The following GNAQ variants were observed in gnomAD, a reference collection of about 807,000 sequenced individuals.
The protein encoded by GNAQ is G protein subunit alpha q.
GNAQ carries 8 observed loss-of-function variants against 43.9 expected under a neutral mutation model. The ratio of observed to expected loss-of-function variants is 0.18; its 90% CI spans 0.11 to 0.33. GNAQ has a LOEUF of 0.33. Ranked by LOEUF, GNAQ falls within the 10% of genes least tolerant of loss-of-function variation. The probability of loss-of-function intolerance (pLI) is 1.00; values close to 1 mark genes in which losing one functional copy is unlikely to be tolerated. For synonymous variants in GNAQ, 155 were observed against 170.7 expected (o/e 0.91, Z 0.71); for missense variants, 158 against 450.8 (o/e 0.35, Z 5.88).
chr9:78,028,777 A>T (rs138161426), intron 1 of GNAQ, among the ~76,000 whole-genome samples: 1,650 of 152,260 alleles, frequency 0.011, 25 homozygotes, highest in African/African-American at 0.038. Context: ...TCCCTCCCTA[A>T]TATCTTCCTT....
intron 2 of GNAQ, among the ~76,000 whole-genome samples, chr9:77,892,118 T>G (rs1407502132): frequency 6.6e-6 from 1 of 152,194 alleles, no homozygotes; most frequent in African/African-American, 2.4e-5. Flanking sequence ...TAGTTTCAGT[T>G]GTCCTTCTAT....
intron 2 of GNAQ, among the ~76,000 whole-genome samples, chr9:77,862,453 C>T (rs570671795): frequency 6.6e-6 from 1 of 152,198 alleles, no homozygotes; most frequent in Admixed American, 6.5e-5. Context: ...TATGTGGAAG[C>T]TGCCAAGGTT....
At chr9:77,898,729 C>T (rs1828544612) in intron 2 of GNAQ, among the ~76,000 whole-genome samples, 1 of 150,946 alleles carries the variant, frequency 6.6e-6, no homozygotes, top group Admixed American at 6.6e-5. Context: ...AAATGGGAAA[C>T]AAAATAAAAA....
At chr9:77,984,765 C>T (rs1424249711) in intron 1 of GNAQ, among the ~76,000 whole-genome samples, 2 of 152,122 alleles carry the variant, frequency 1.3e-5, no homozygotes, top group Non-Finnish European at 2.9e-5. Context: ...AGAAACTCTG[C>T]TTTACAATGC....
At chr9:77,884,381 T>C (rs1828266863) in intron 2 of GNAQ, among the ~76,000 whole-genome samples, 1 of 152,220 alleles carries the variant, frequency 6.6e-6, no homozygotes, top group African/African-American at 2.4e-5. Context: ...TTCTGCTATA[T>C]TTCAGAGGAA....
chr9:77,779,973 C>G (rs956017163), intron 5 of GNAQ, among the ~76,000 whole-genome samples: 1 of 151,842 alleles, frequency 6.6e-6, no homozygotes, highest in Non-Finnish European at 1.5e-5. Flanking sequence ...CTGGTGATCT[C>G]TTTTTTTCTA....
chr9:77,894,364 ATATT>A (rs72066153), intron 2 of GNAQ, among the ~76,000 whole-genome samples: 39 of 362 alleles, frequency 0.11, no homozygotes, highest in South Asian at 0.5. Flanking sequence ...GAAAATATAT[ATATT>A]ATATATATAT....
At chr9:77,968,764 G>C (rs1186740365) in intron 1 of GNAQ, among the ~76,000 whole-genome samples, 1 of 152,220 alleles carries the variant, frequency 6.6e-6, no homozygotes, top group Non-Finnish European at 1.5e-5. Flanking sequence ...CCAAAACAGA[G>C]ACACAATTAT....
chr9:78,007,623 C>T (rs762583488), intron 1 of GNAQ, among the ~76,000 whole-genome samples: 1 of 152,108 alleles, frequency 6.6e-6, no homozygotes, highest in Non-Finnish European at 1.5e-5. Context: ...GTCAGTACAA[C>T]CACATTTTTT....
intron 2 of GNAQ, among the ~76,000 whole-genome samples, chr9:77,836,236 C>CG (rs888983323): frequency 2.8e-4 from 28 of 99,860 alleles, no homozygotes; most frequent in Non-Finnish European, 6.4e-4. Context: ...AAAAGCCCCC[C>CG]CCGGATCTGT....
chr9:77,760,336 G>A (rs1172916356), intron 5 of GNAQ, among the ~76,000 whole-genome samples: 1 of 152,094 alleles, frequency 6.6e-6, no homozygotes, highest in African/African-American at 2.4e-5. Flanking sequence ...CCTGCTGAGT[G>A]CCTGCGAGTG....
chr9:77,834,137 T>C (rs903727077), intron 2 of GNAQ, among the ~76,000 whole-genome samples: 2 of 152,238 alleles, frequency 1.3e-5, no homozygotes, highest in African/African-American at 4.8e-5. Context: ...TGATTTAGTG[T>C]CACACTACAA....
intron 1 of GNAQ, among the ~76,000 whole-genome samples, chr9:77,991,656 G>C (rs1413911780): frequency 6.6e-6 from 1 of 151,810 alleles, no homozygotes; most frequent in East Asian, 1.9e-4. Flanking sequence ...TGAGATTTTG[G>C]TGCACCCATC....
intron 2 of GNAQ, among the ~76,000 whole-genome samples, chr9:77,866,262 G>A (rs1827945181): frequency 6.6e-6 from 1 of 152,134 alleles, no homozygotes; most frequent in Admixed American, 6.5e-5. Context: ...CAGATCATTT[G>A]AGGTCAGGAG....
intron 5 of GNAQ, among the ~76,000 whole-genome samples, chr9:77,741,854 C>T (rs1564096504): frequency 6.6e-6 from 1 of 152,202 alleles, no homozygotes; most frequent in East Asian, 1.9e-4. Context: ...CCTCTTGATT[C>T]TTCCAGGAGA....
At chr9:77,903,069 C>G (rs1220739597) in intron 2 of GNAQ, among the ~76,000 whole-genome samples, 2 of 152,062 alleles carry the variant, frequency 1.3e-5, no homozygotes, top group Non-Finnish European at 2.9e-5. Context: ...GGAAGAAGTG[C>G]CTGGTATCTC....
At chr9:77,838,220 C>T (rs7850412) in intron 2 of GNAQ, among the ~76,000 whole-genome samples, 87,725 of 147,028 alleles carry the variant, frequency 0.6, 27,182 homozygotes, top group Middle Eastern at 0.69. Flanking sequence ...CTTGAGTCAC[C>T]GCAACCTCCA....
rs535956925 is a variant in GNAQ, at chr9:77,740,472, A to G, written c.736-11805T>C. ...GGCAATCAGAGTAAGTTTGGAACTG[A>G]AGGACAGTAATAAGCAGATACATTG... On this transcript the variant is annotated intron_variant, in intron 5 of 6. Coordinates refer to ENST00000286548, the MANE Select transcript of GNAQ (RefSeq NM_002072.5). Among the ~76,000 whole-genome samples, 5 of 152,370 alleles carry G rather than the reference A, an allele frequency of 3.3e-5. No homozygotes were observed. In the East Asian group the frequency reaches 9.6e-4, roughly 29 times the overall value.
At chr9:77,764,191 G>A (rs1826097619) in intron 5 of GNAQ, among the ~76,000 whole-genome samples, 2 of 152,100 alleles carry the variant, frequency 1.3e-5, no homozygotes, top group South Asian at 4.1e-4. Flanking sequence ...CAGAGTTGAA[G>A]GACTGAATTT....
Sources: allele counts gnomAD v4.1 joint callset (sites outside exome capture counted in the v4.1 genomes callset), GRCh38; gene constraint gnomAD v4.1.1; transcripts MANE v1.5; gene names NCBI Gene and HGNC (gene_info 2026-07-23, HGNC 2026-07-21).